The following PAPSS1 variants were observed in gnomAD, a reference collection of about 807,000 sequenced individuals.
PAPSS1 encodes bifunctional 3'-phosphoadenosine 5'-phosphosulfate synthase 1.
A neutral mutation model predicts 72.0 loss-of-function variants in PAPSS1; 50 were observed. The ratio of observed to expected loss-of-function variants is 0.69; its 90% CI spans 0.55 to 0.88. The LOEUF is 0.88. Among genes scored for constraint, PAPSS1 ranks in the 40% least tolerant of loss-of-function variants. PAPSS1 has a pLI of 0.00. For synonymous variants in PAPSS1, 261 were observed against 263.6 expected (o/e 0.99, Z 0.09); for missense variants, 657 against 782.2 (o/e 0.84, Z 1.91).
At chr4:107,615,785 A>C (rs1283544729) in intron 11 of PAPSS1, among the ~76,000 whole-genome samples, 1 of 152,228 alleles carries the variant, frequency 6.6e-6, no homozygotes, top group African/African-American at 2.4e-5. Context: ...AAGTAATTAG[A>C]ATTAAATGAG....
rs981539629 is a variant in PAPSS1, at chr4:107,683,642, T to C, written c.551-1509A>G. Reference sequence around the variant, plus strand: ...AAGTGATTACAATAATAAATGTAAATTGTGAGAAAAAACATATTTAAGCAG... The same window carrying C: ...AAGTGATTACAATAATAAATGTAAACTGTGAGAAAAAACATATTTAAGCAG... On this transcript the variant is annotated intron_variant, in intron 4 of 11. Coordinates refer to ENST00000265174, the MANE Select transcript of PAPSS1 (RefSeq NM_005443.5). 8.5e-5 allele frequency among the ~76,000 whole-genome samples: 13 copies of C among 152,226 alleles called. No homozygotes were observed. The South Asian group carries it at 1.7e-3, about 19-fold the overall frequency.
At chr4:107,657,857 T>G (rs574001783) in intron 6 of PAPSS1, among the ~76,000 whole-genome samples, 1 of 152,264 alleles carries the variant, frequency 6.6e-6, no homozygotes, top group African/African-American at 2.4e-5. Flanking sequence ...GATGGCATAA[T>G]CATTTCATAG....
At chr4:107,686,675 T>G (rs1722795724) in intron 4 of PAPSS1, among the ~76,000 whole-genome samples, 1 of 152,248 alleles carries the variant, frequency 6.6e-6, no homozygotes, top group Non-Finnish European at 1.5e-5. Flanking sequence ...TCAGGCATTT[T>G]TTCCAATAGC....
intron 1 of PAPSS1, among the ~76,000 whole-genome samples, chr4:107,702,230 T>C (rs1413867018): frequency 6.6e-6 from 1 of 152,192 alleles, no homozygotes; most frequent in Non-Finnish European, 1.5e-5. Context: ...ATATTTGTTG[T>C]TGCGAAAATA....
At chr4:107,629,445 T>C (rs1044384673) in intron 11 of PAPSS1, among the ~76,000 whole-genome samples, 1 of 152,166 alleles carries the variant, frequency 6.6e-6, no homozygotes. Flanking sequence ...CATAGACATC[T>C]CAGTTGGTTT....
intron 9 of PAPSS1, among the ~76,000 whole-genome samples, chr4:107,648,722 A>T (rs1164269746): frequency 1.3e-5 from 2 of 152,222 alleles, no homozygotes; most frequent in Non-Finnish European, 2.9e-5. Flanking sequence ...TATAGCAGCT[A>T]AACAAGACAA....
intron 1 of PAPSS1, among the ~76,000 whole-genome samples, chr4:107,704,977 T>C (rs1444813372): frequency 6.6e-6 from 1 of 151,696 alleles, no homozygotes; most frequent in Non-Finnish European, 1.5e-5. Context: ...AAATTGCCTA[T>C]GTTGAACCAT....
chr4:107,649,085 G>A (rs189874648), intron 9 of PAPSS1, among the ~76,000 whole-genome samples: 12 of 152,268 alleles, frequency 7.9e-5, no homozygotes, highest in African/African-American at 2.2e-4. Context: ...GTTCTGTGCC[G>A]CTTATTTGCC....
At chr4:107,694,371 T>G (rs944305355) in intron 2 of PAPSS1, 9 of 183,188 alleles carry the variant, frequency 4.9e-5, no homozygotes, top group African/African-American at 2.1e-4. Flanking sequence ...TCTTATCTAA[T>G]ATTTCTCTTT....
chr4:107,632,634 A>G (rs1365462611), intron 10 of PAPSS1, among the ~76,000 whole-genome samples: 1 of 152,184 alleles, frequency 6.6e-6, no homozygotes, highest in Non-Finnish European at 1.5e-5. Flanking sequence ...AATACCTAGA[A>G]TAATGAAACT....
At chr4:107,638,799 A>G (rs1726456496) in intron 10 of PAPSS1, among the ~76,000 whole-genome samples, 1 of 152,220 alleles carries the variant, frequency 6.6e-6, no homozygotes, top group African/African-American at 2.4e-5. Context: ...TATACCAGTC[A>G]CTGTACAAAA....
In PAPSS1 at chr4:107,654,850, C is replaced by G; in HGVS notation, c.946G>C (p.Asp316His). Residue 316 changes from aspartate (D) to histidine (H), a missense_variant, in exon 8 of 12, where the codon GAT (aspartate) becomes CAT (histidine). By Grantham distance (81) the Asp-to-His change is moderately conservative. Around this residue, in one of 7 missense-constraint regions of PAPSS1, gnomAD observed 190 missense variants for 176.7 expected, o/e 1.07. Coordinates refer to ENST00000265174, the MANE Select transcript of PAPSS1 (RefSeq NM_005443.5). ...VPIVLTATHE[D>H]KERLDGCTAF... ...GTACAGCCGTCCAGCCTCTCTTTAT[C>G]TTCATGAGTCGCAGTCAGAACTATA... 6.2e-7 allele frequency: 1 copy of G among 1,614,068 alleles called. No individual in the cohort carries two copies. Among genetic ancestry groups the G allele is most frequent in the East Asian group, 2.2e-5 (1 of 44,868 alleles).
intron 7 of PAPSS1, 145 bp from the exon 8 acceptor site, chr4:107,655,045 G>C (rs1726963256): frequency 2.4e-6 from 1 of 410,908 alleles, no homozygotes; most frequent in Non-Finnish European, 4.2e-6. Flanking sequence ...ACCTGGCACA[G>C]AAAAACGAAA....
At chr4:107,683,979 C>A (rs1722705971) in intron 4 of PAPSS1, among the ~76,000 whole-genome samples, 1 of 152,074 alleles carries the variant, frequency 6.6e-6, no homozygotes, top group East Asian at 1.9e-4. Flanking sequence ...CACACACAAA[C>A]ACACATTAAC....
intron 5 of PAPSS1, 60 bp downstream of exon 5, chr4:107,681,948 TGGAGGGG>T: frequency 1.3e-6 from 1 of 781,316 alleles, no homozygotes; most frequent in African/African-American, 1.7e-5. Flanking sequence ...CATTTTTTTT[TGGAGGGG>T]AAAGATTATG....
chr4:107,638,199 A>G (rs948576158), intron 10 of PAPSS1, among the ~76,000 whole-genome samples: 4 of 152,240 alleles, frequency 2.6e-5, no homozygotes, highest in Non-Finnish European at 5.9e-5. Flanking sequence ...TCACATTTCT[A>G]GTTTGCAATG....
At chr4:107,676,913 T>C (rs536215979) in intron 5 of PAPSS1, among the ~76,000 whole-genome samples, 66 of 152,180 alleles carry the variant, frequency 4.3e-4, no homozygotes, top group African/African-American at 1.3e-3. Context: ...TTGACAAACA[T>C]GACAAAAATA....
At chr4:107,694,170 C>T (rs1578427349) in intron 2 of PAPSS1, 164 bp from the exon 3 acceptor site, 1 of 579,716 alleles carries the variant, frequency 1.7e-6, no homozygotes, top group East Asian at 2.8e-5. Context: ...CTCAAGAGAT[C>T]ATGCCTCAGC....
At chr4:107,709,978 C>G (rs974968537) in intron 1 of PAPSS1, among the ~76,000 whole-genome samples, 2 of 152,220 alleles carry the variant, frequency 1.3e-5, no homozygotes, top group African/African-American at 4.8e-5. Context: ...TGGGTGGTTA[C>G]AGAATTGCAA....
Sources: gnomAD v4.1 joint callset for allele counts (sites outside exome capture counted in the v4.1 genomes callset) on GRCh38, gnomAD v4.1.1 for gene constraint, gnomAD v4.1.1 regional missense constraint, MANE v1.5 for transcripts, NCBI Gene and HGNC (gene_info 2026-07-23, HGNC 2026-07-21) for gene names.